The following HMGB1 variants were observed in gnomAD, a reference collection of about 807,000 sequenced individuals.
HMGB1 encodes high mobility group box 1.
For missense variants in HMGB1, 79 were observed against 253.5 expected, an observed-to-expected ratio of 0.31 and a Z score of 4.67; for synonymous variants, 81 against 84.0, an observed-to-expected ratio of 0.96 and a Z score of 0.19.
intron 1 of HMGB1, among the ~76,000 whole-genome samples, chr13:30,598,027 T>C (rs1871695414): frequency 6.6e-6 from 1 of 152,262 alleles, no homozygotes; most frequent in Non-Finnish European, 1.5e-5. Flanking sequence ...TACTGTCTAA[T>C]TGGCTAGAAG....
At chr13:30,514,681 C>G (rs1888064183) in intron 1 of HMGB1, among the ~76,000 whole-genome samples, 1 of 151,482 alleles carries the variant, frequency 6.6e-6, no homozygotes, top group Non-Finnish European at 1.5e-5. Flanking sequence ...GGCTGCAGTA[C>G]AGTGGCTATT....
intron 1 of HMGB1, among the ~76,000 whole-genome samples, chr13:30,605,500 C>T (rs1950448877): frequency 6.6e-6 from 1 of 152,208 alleles, no homozygotes; most frequent in Non-Finnish European, 1.5e-5. Flanking sequence ...TCGACTGCAA[C>T]AAATGCTGCT....
intron 1 of HMGB1, among the ~76,000 whole-genome samples, chr13:30,465,405 G>GCGCCGGCCC (rs1391771767): frequency 2.1e-5 from 3 of 140,178 alleles, no homozygotes; most frequent in African/African-American, 5.1e-5. Flanking sequence ...CCGCCGAGCC[G>GCGCCGGCCC]CGCCGGCCCC....
At chr13:30,497,671 G>A (rs1887641520) in intron 1 of HMGB1, among the ~76,000 whole-genome samples, 1 of 152,054 alleles carries the variant, frequency 6.6e-6, no homozygotes, top group Non-Finnish European at 1.5e-5. Flanking sequence ...TGTACTCACT[G>A]TTTAGCTCCC....
intron 1 of HMGB1, among the ~76,000 whole-genome samples, chr13:30,590,111 A>T (rs1871307794): frequency 6.6e-6 from 1 of 152,102 alleles, no homozygotes; most frequent in Non-Finnish European, 1.5e-5. Context: ...TACTTAAAAC[A>T]AAGGGCTGTA....
At chr13:30,500,688 T>A (rs1190091202) in intron 1 of HMGB1, among the ~76,000 whole-genome samples, 2 of 150,728 alleles carry the variant, frequency 1.3e-5, no homozygotes, top group Non-Finnish European at 3.0e-5. Context: ...ATCACAGGTG[T>A]GCAGCATCAC....
intron 1 of HMGB1, among the ~76,000 whole-genome samples, chr13:30,504,958 A>G (rs1291350632): frequency 6.6e-6 from 1 of 151,982 alleles, no homozygotes; most frequent in African/African-American, 2.4e-5. Flanking sequence ...CAAAATACCA[A>G]CGATTTATTT....
At chr13:30,611,633 G>C (rs1950513786) in intron 1 of HMGB1, among the ~76,000 whole-genome samples, 1 of 151,856 alleles carries the variant, frequency 6.6e-6, no homozygotes, top group Admixed American at 6.6e-5. Flanking sequence ...ACTCTATTTA[G>C]CACTTATTTC....
chr13:30,463,193 G>A lies in HMGB1; in HGVS notation c.296+14C>T. On this transcript the variant is annotated intron_variant, in intron 3 of 4. Coordinates refer to ENST00000341423, the MANE Select transcript of HMGB1 (RefSeq NM_002128.7). Reference sequence around the variant, plus strand: ...AAAACGTGTCTGGGAAGTAAAAACAGGCAAGATACTCACGGAGGCCTCTTG... The same window carrying A: ...AAAACGTGTCTGGGAAGTAAAAACAAGCAAGATACTCACGGAGGCCTCTTG... The A allele has an allele frequency of 6.3e-7, 1 of 1,598,428 alleles. No individual in the cohort carries two copies. The highest frequency in any genetic ancestry group is 8.5e-7 in the Non-Finnish European group (1 of 1,176,796).
intron 1 of HMGB1, among the ~76,000 whole-genome samples, chr13:30,472,210 C>T (rs921290775): frequency 8.6e-5 from 13 of 151,930 alleles, no homozygotes; most frequent in Non-Finnish European, 8.8e-5. Flanking sequence ...ACCCAGGGGG[C>T]GGAAGTTGCA....
intron 4 of HMGB1, among the ~76,000 whole-genome samples, chr13:30,462,133 G>GT (rs1056649119): frequency 6.6e-6 from 1 of 152,114 alleles, no homozygotes; most frequent in Non-Finnish European, 1.5e-5. Context: ...TGATGCTGTG[G>GT]TTTTTTGAGT....
intron 1 of HMGB1, among the ~76,000 whole-genome samples, chr13:30,538,658 T>TC (rs1223106638): frequency 0.077 from 4,954 of 64,322 alleles, 170 homozygotes; most frequent in Middle Eastern, 0.18. Flanking sequence ...TTTCTTTCTT[T>TC]CTTTCCTTTC....
intron 1 of HMGB1, among the ~76,000 whole-genome samples, chr13:30,546,287 T>C (rs2137507587): frequency 6.6e-6 from 1 of 152,310 alleles, no homozygotes; most frequent in East Asian, 1.9e-4. Flanking sequence ...GGCTAATTTT[T>C]TGTATTTTAG....
At chr13:30,462,748 C>A (rs756193888) in intron 3 of HMGB1, 36 bp from the exon 4 acceptor site, 4 of 1,560,064 alleles carry the variant, frequency 2.6e-6, no homozygotes, top group Non-Finnish European at 3.5e-6. Flanking sequence ...TTTAAGTTAA[C>A]AGATCACAAA....
At chr13:30,525,857 G>C (rs1051880741) in intron 1 of HMGB1, among the ~76,000 whole-genome samples, 1 of 150,712 alleles carries the variant, frequency 6.6e-6, no homozygotes, top group South Asian at 2.1e-4. Flanking sequence ...ATGAGATTGT[G>C]GGGGGACACA....
chr13:30,574,760 G>T (rs1870575009), intron 1 of HMGB1, among the ~76,000 whole-genome samples: 1 of 152,138 alleles, frequency 6.6e-6, no homozygotes, highest in Non-Finnish European at 1.5e-5. Flanking sequence ...TTTGTAGAGG[G>T]CTGTCCTTAC....
At chr13:30,554,257 G>A in intron 1 of HMGB1, 3 of 1,414,144 alleles carry the variant, frequency 2.1e-6, no homozygotes, top group East Asian at 4.6e-5. Context: ...TCAATTTCTT[G>A]TTGAAAGTGA....
intron 1 of HMGB1, among the ~76,000 whole-genome samples, chr13:30,564,834 G>A (rs9579604): frequency 4.6e-4 from 70 of 152,144 alleles, no homozygotes; most frequent in East Asian, 1.5e-3. Context: ...TCTAAGAATC[G>A]GTAATTCTAA....
chr13:30,551,337 T>C (rs1869420953), intron 1 of HMGB1, among the ~76,000 whole-genome samples: 2 of 152,204 alleles, frequency 1.3e-5, no homozygotes, highest in Admixed American at 1.3e-4. Context: ...ACCAAGTCCA[T>C]CTTAGGAACT....
Sources: gnomAD v4.1 joint callset for allele counts (sites outside exome capture counted in the v4.1 genomes callset) on GRCh38, gnomAD v4.1.1 for gene constraint, MANE v1.5 for transcripts, NCBI Gene and HGNC (gene_info 2026-07-23, HGNC 2026-07-21) for gene names.